The following IRAG1 variants were observed in gnomAD, a reference collection of about 807,000 sequenced individuals.
IRAG1 encodes the protein IP3R-associated cGMP kinase substrate.
Under a neutral mutation model 106.2 loss-of-function variants are expected in IRAG1, and 62 were observed. The ratio of observed to expected loss-of-function variants is 0.58; its 90% CI spans 0.48 to 0.72. The LOEUF (loss-of-function observed/expected upper bound fraction) is 0.72. Ranked by LOEUF, IRAG1 falls within the 30% of genes least tolerant of loss-of-function variation. IRAG1 has a pLI of 0.00. For missense variants in IRAG1, 1,064 were observed against 1,140.7 expected (o/e 0.93, Z 0.97); for synonymous variants, 462 against 443.9 (o/e 1.04, Z -0.51).
rs2134545360 is a variant in IRAG1 at position 10,623,829 on chromosome 11, A to C, written c.1396T>G (p.Leu466Val). Residue 466 changes from leucine (L) to valine (V), a missense_variant, in exon 10 of 21, where the codon TTA (leucine) becomes GTA (valine). Coordinates refer to ENST00000423302, the MANE Select transcript of IRAG1 (RefSeq NM_130385.4). Reference sequence around the variant, plus strand: ...AGGTCTGGAAGCTTGAGCCCCACTAAGTTCTGATTTCTCATCAGGATGTGC... The same window carrying C: ...AGGTCTGGAAGCTTGAGCCCCACTACGTTCTGATTTCTCATCAGGATGTGC... ...EEHILMRNQN[L>V]VGLKLPDLSE... The C allele has an allele frequency of 6.2e-7, 1 of 1,614,044 alleles. No homozygotes were observed. Among genetic ancestry groups the C allele is most frequent in the Non-Finnish European group, 8.5e-7 (1 of 1,179,898 alleles).
chr11:10,679,071 C>T (rs1424172790), intron 1 of IRAG1, among the ~76,000 whole-genome samples: 1 of 152,170 alleles, frequency 6.6e-6, no homozygotes, highest in Non-Finnish European at 1.5e-5. Context: ...GCACAATGCC[C>T]TTCAGCCTGA....
chr11:10,629,757 C>T lies in IRAG1; in HGVS notation c.401-46G>A, dbSNP rs911480767. ...GGGGTGAGAGCCACTGCATCCGTGG[C>T]CCCAGGCTGAGGTCATGCCATACCA... On this transcript the variant is annotated intron_variant, in intron 4 of 20. Transcript: ENST00000423302. The T allele has an allele frequency of 4.4e-6, 7 of 1,584,804 alleles. 1 individual carries two copies. In the Middle Eastern group the frequency reaches 5.0e-4, roughly 114 times the overall value.
chr11:10,680,540 G>GGAAGAAAGGAA (rs1861169565), intron 1 of IRAG1, among the ~76,000 whole-genome samples: 4 of 85,724 alleles, frequency 4.7e-5, no homozygotes, highest in African/African-American at 2.2e-4. Context: ...AGGAAGGAAG[G>GGAAGAAAGGAA]GGAAGGGGAA....
intron 10 of IRAG1, among the ~76,000 whole-genome samples, chr11:10,612,271 T>A (rs953549785): frequency 6.6e-6 from 1 of 152,108 alleles, no homozygotes; most frequent in Non-Finnish European, 1.5e-5. Flanking sequence ...CCTAAATTGG[T>A]GAAACAATCT....
chr11:10,588,678 C>T (rs1449801592), intron 18 of IRAG1, among the ~76,000 whole-genome samples: 1 of 145,912 alleles, frequency 6.9e-6, no homozygotes, highest in Admixed American at 6.8e-5. Flanking sequence ...GCTCTCTCTT[C>T]CCCCCACTTC....
intron 2 of IRAG1, among the ~76,000 whole-genome samples, chr11:10,649,385 G>A (rs1304483447): frequency 6.6e-6 from 1 of 152,204 alleles, no homozygotes; most frequent in East Asian, 1.9e-4. Context: ...AGGCACTTGA[G>A]GGCTGGGCTG....
intron 2 of IRAG1, among the ~76,000 whole-genome samples, chr11:10,651,350 T>A (rs1858484776): frequency 6.6e-6 from 1 of 152,250 alleles, no homozygotes; most frequent in South Asian, 2.1e-4. Context: ...TTAGGTGCTG[T>A]AAAGTAAAAT....
At chr11:10,605,796 C>T (rs892307679) in intron 12 of IRAG1, among the ~76,000 whole-genome samples, 30 of 152,350 alleles carry the variant, frequency 2.0e-4, no homozygotes, top group Admixed American at 5.2e-4. Flanking sequence ...CTGCCTTACC[C>T]GGCCTTGGTC....
rs369311388 is a variant in IRAG1, at chr11:10,626,299, C to T, written c.1035G>A (p.Pro345=). Residue 345 remains proline (P), a synonymous_variant, in exon 9 of 21, where the codon CCG becomes CCA. Transcript: ENST00000423302. ...LKTGWEGSPL[P]RSPTQDAAGV... is the part of the protein sequence containing the mutation. ...CTGCCGCATCCTGGGTTGGACTTCTCGGCAGAGGGCTGCCCTCCCAGCCCG... is the reference window on the plus strand; with the variant it reads ...CTGCCGCATCCTGGGTTGGACTTCTTGGCAGAGGGCTGCCCTCCCAGCCCG... 21 of 1,612,828 alleles carry T rather than the reference C, an allele frequency of 1.3e-5. No individual in the cohort carries two copies. The highest frequency in any genetic ancestry group is 6.7e-5 in the Admixed American group (4 of 59,898).
chr11:10,680,540 G>GGAAGGAAGGAAGAAAGGAAGGAA (rs1861169565), intron 1 of IRAG1, among the ~76,000 whole-genome samples: 16 of 85,804 alleles, frequency 1.9e-4, no homozygotes, highest in Admixed American at 5.1e-4. Flanking sequence ...AGGAAGGAAG[G>GGAAGGAAGGAAGAAAGGAAGGAA]GGAAGGGGAA....
rs1284803576 is a variant in IRAG1 at position 10,580,447 on chromosome 11, C to T, written c.2495+8G>A. Reference sequence around the variant, plus strand: ...CAACGGCAAGGACTCCAAACACAGGCTTCCCACCTGCTTCTTGGGCCCTTT... The same window carrying T: ...CAACGGCAAGGACTCCAAACACAGGTTTCCCACCTGCTTCTTGGGCCCTTT... On this transcript the variant is annotated splice_region_variant and intron_variant, in intron 20 of 20. Coordinates refer to ENST00000423302, the MANE Select transcript of IRAG1 (RefSeq NM_130385.4). The T allele has an allele frequency of 4.3e-6, 7 of 1,609,858 alleles. No individual in the cohort carries two copies. In the South Asian group the frequency reaches 4.4e-5, roughly 10 times the overall value.
chr11:10,640,567 A>G (rs776762610), intron 2 of IRAG1, among the ~76,000 whole-genome samples: 4 of 152,172 alleles, frequency 2.6e-5, no homozygotes, highest in African/African-American at 7.2e-5. Flanking sequence ...TTTTCACTCT[A>G]TCAGGGACTG....
intron 13 of IRAG1, among the ~76,000 whole-genome samples, chr11:10,603,626 G>A (rs199634728): frequency 3.9e-5 from 6 of 152,184 alleles, no homozygotes; most frequent in East Asian, 1.9e-4. Flanking sequence ...CAGGGGATGC[G>A]GACCACTGGG....
At chr11:10,624,340 C>G (rs914484629) in intron 9 of IRAG1, among the ~76,000 whole-genome samples, 1 of 152,076 alleles carries the variant, frequency 6.6e-6, no homozygotes, top group Admixed American at 6.5e-5. Flanking sequence ...TGCGATTGCC[C>G]CACACACTCA....
chr11:10,588,683 C>G (rs145962669), intron 18 of IRAG1, among the ~76,000 whole-genome samples: 20 of 152,156 alleles, frequency 1.3e-4, no homozygotes, highest in Admixed American at 2.0e-4. Context: ...CTCTTCCCCC[C>G]ACTTCCCCAG....
intron 10 of IRAG1, among the ~76,000 whole-genome samples, chr11:10,614,755 T>C (rs531943394): frequency 6.6e-6 from 1 of 152,360 alleles, no homozygotes; most frequent in East Asian, 1.9e-4. Context: ...AAGCTGAAAC[T>C]GGATTCCTTC....
chr11:10,629,836 C>T lies in IRAG1; in HGVS notation c.401-125G>A, dbSNP rs140185453. On this transcript the variant is annotated intron_variant, in intron 4 of 20. Coordinates refer to ENST00000423302, the MANE Select transcript of IRAG1 (RefSeq NM_130385.4). ...CTGACCCAGCCAGCCAAACCTCAGC[C>T]CAGTGCCATCAAGAGGGTTGCATGG... 1.1e-3 allele frequency: 1,124 copies of T among 981,680 alleles called. 8 individuals carry two copies. The African/African-American group carries it at 0.016, about 14-fold the overall frequency. 60.8% of individuals were successfully genotyped at this position (981,680 alleles called of 1,614,324 possible). A position where few individuals can be genotyped will look rare whatever the true frequency, so the allele number is the denominator to read the frequency against.
At chr11:10,606,875 A>G (rs1418257084) in intron 11 of IRAG1, 103 bp from the exon 12 acceptor site, 39 of 1,114,494 alleles carry the variant, frequency 3.5e-5, no homozygotes, top group Non-Finnish European at 4.7e-5. Flanking sequence ...GGGGTGGAGT[A>G]AGCTGTGTTG....
intron 10 of IRAG1, chr11:10,617,009 A>G (rs548949978): frequency 6.1e-5 from 60 of 981,836 alleles, no homozygotes; most frequent in Non-Finnish European, 6.8e-5. Context: ...CTAAAAGTCA[A>G]AGCTGCTAGT....
Sources: gnomAD v4.1 joint callset for allele counts (sites outside exome capture counted in the v4.1 genomes callset) on GRCh38, gnomAD v4.1.1 for gene constraint, MANE v1.5 for transcripts, NCBI Gene and HGNC (gene_info 2026-07-23, HGNC 2026-07-21) for gene names.